Variants in ACTN1 observed in about 807,000 individuals in gnomAD.
The protein encoded by ACTN1 is alpha-actinin-1.
In ACTN1, 30 loss-of-function variants were observed where a neutral mutation model predicts 119.6. The ratio of observed to expected loss-of-function variants is 0.25; its 90% confidence interval spans 0.19 to 0.34. ACTN1 has a LOEUF of 0.34. Among genes scored for constraint, ACTN1 ranks in the 10% least tolerant of loss-of-function variants. ACTN1 has a pLI of 1.00. For missense variants in ACTN1, 764 were observed against 1,223.4 expected, an observed-to-expected ratio of 0.62 and a Z score of 5.60; for synonymous variants, 429 against 472.6, an observed-to-expected ratio of 0.91 and a Z score of 1.20.
At chr14:68,978,133 T>C (rs2037132576) in intron 1 of ACTN1, 2 of 455,574 alleles carry the variant, frequency 4.4e-6, no homozygotes, top group South Asian at 1.6e-5. Flanking sequence ...CGTGGCTAAG[T>C]AGGGATCCCC....
At chr14:68,950,322 A>G (rs931431421) in intron 1 of ACTN1, among the ~76,000 whole-genome samples, 3 of 146,848 alleles carry the variant, frequency 2.0e-5, no homozygotes, top group African/African-American at 7.7e-5. Context: ...AAAAAAAAAG[A>G]GTTCAGGAGA....
intron 1 of ACTN1, among the ~76,000 whole-genome samples, chr14:68,952,183 G>A (rs79405188): frequency 0.016 from 2,476 of 152,312 alleles, 58 homozygotes; most frequent in South Asian, 0.024. Flanking sequence ...ACCTTCCAGC[G>A]CTGGTAGTCT....
intron 9 of ACTN1, 117 bp from the exon 10 acceptor site, chr14:68,892,400 G>T: frequency 1.9e-6 from 2 of 1,027,864 alleles, no homozygotes; most frequent in Non-Finnish European, 2.8e-6. Context: ...TCTCCTAATA[G>T]CACACTCCTT....
chr14:68,963,047 C>T (rs2036589798), intron 1 of ACTN1, among the ~76,000 whole-genome samples: 1 of 152,208 alleles, frequency 6.6e-6, no homozygotes, highest in Non-Finnish European at 1.5e-5. Flanking sequence ...TCCTGCCCCT[C>T]CCTCCCCAGA....
chr14:68,914,111 A>C (rs1238697034), intron 3 of ACTN1, among the ~76,000 whole-genome samples: 1 of 152,168 alleles, frequency 6.6e-6, no homozygotes, highest in African/African-American at 2.4e-5. Context: ...CCAGCTACTC[A>C]GGCTTAAGTG....
chr14:68,970,299 T>C (rs7147553), intron 1 of ACTN1, among the ~76,000 whole-genome samples: 24,309 of 152,172 alleles, frequency 0.16, 2,057 homozygotes, highest in Middle Eastern at 0.19. Context: ...CCCCACTTGG[T>C]GCTGATCTCT....
intron 1 of ACTN1, among the ~76,000 whole-genome samples, chr14:68,962,211 G>C (rs1036636194): frequency 1.3e-5 from 2 of 152,168 alleles, no homozygotes; most frequent in Non-Finnish European, 1.5e-5. Context: ...TCCAGGGCAC[G>C]GGCGCCTGGG....
intron 7 of ACTN1, among the ~76,000 whole-genome samples, 178 bp from the exon 8 acceptor site, chr14:68,902,740 G>A (rs955517295): frequency 6.6e-6 from 1 of 152,168 alleles, no homozygotes; most frequent in African/African-American, 2.4e-5. Flanking sequence ...AGGAACAGGT[G>A]AAATGAAGCC....
intron 1 of ACTN1, among the ~76,000 whole-genome samples, chr14:68,929,129 T>C (rs2035090272): frequency 1.4e-5 from 2 of 147,564 alleles, no homozygotes; most frequent in Admixed American, 1.4e-4. Context: ...GTGGCGTGGG[T>C]GCAGAAAACC....
chr14:68,904,618 C>A (rs760576693), intron 7 of ACTN1, 37 bp downstream of exon 7: 6 of 1,592,670 alleles, frequency 3.8e-6, no homozygotes, highest in African/African-American at 1.3e-5. Flanking sequence ...GGCAGGTGGG[C>A]GATGGGCAAG....
chr14:68,951,182 T>G (rs1254433155), intron 1 of ACTN1, among the ~76,000 whole-genome samples: 2 of 152,152 alleles, frequency 1.3e-5, no homozygotes, highest in African/African-American at 4.8e-5. Flanking sequence ...GGCTCCTCCC[T>G]GGGCCCTGAC....
chr14:68,940,684 A>C (rs2035734768), intron 1 of ACTN1, among the ~76,000 whole-genome samples: 1 of 151,764 alleles, frequency 6.6e-6, no homozygotes, highest in African/African-American at 2.4e-5. Flanking sequence ...ACTTAAAAAA[A>C]AAAAAAAAAA....
chr14:68,902,181 AC>A (rs1230577734), intron 8 of ACTN1, among the ~76,000 whole-genome samples: 2 of 151,762 alleles, frequency 1.3e-5, no homozygotes, highest in Non-Finnish European at 2.9e-5. Context: ...TTCCAGAACC[AC>A]CCCGGCTGCC....
chr14:68,968,108 A>G (rs2036762820), intron 1 of ACTN1, among the ~76,000 whole-genome samples: 1 of 152,220 alleles, frequency 6.6e-6, no homozygotes, highest in Admixed American at 6.5e-5. Context: ...GCAGCAGGCA[A>G]GGGACCAGGG....
intron 6 of ACTN1, among the ~76,000 whole-genome samples, chr14:68,905,228 T>C (rs986348407): frequency 1.3e-5 from 2 of 149,242 alleles, no homozygotes; most frequent in African/African-American, 4.9e-5. Flanking sequence ...TTCATGAAAT[T>C]TGGGGGCTCC....
intron 1 of ACTN1, among the ~76,000 whole-genome samples, chr14:68,957,574 A>C (rs1465693623): frequency 6.6e-6 from 1 of 152,228 alleles, no homozygotes; most frequent in African/African-American, 2.4e-5. Flanking sequence ...AGGTCAAGTA[A>C]TTCCACGAAT....
chr14:68,909,939 A>G lies in ACTN1; in HGVS notation c.515+16T>C, dbSNP rs370262958. ...CAGCCTGGTTCTGTGAGAGCCCCTCAGACCCCAGCACTCACCTTATGTGGA... is the reference window on the plus strand; with the variant it reads ...CAGCCTGGTTCTGTGAGAGCCCCTCGGACCCCAGCACTCACCTTATGTGGA... On this transcript the variant is annotated intron_variant, in intron 5 of 21. Coordinates refer to ENST00000394419, the MANE Select transcript of ACTN1 (RefSeq NM_001130004.2). This position sits in a 1 kb window ranked among gnomAD's most constrained non-coding sequence, Gnocchi z 4.1. 3 of 1,611,084 alleles carry G rather than the reference A, an allele frequency of 1.9e-6. No homozygotes were observed. The highest frequency in any genetic ancestry group is 2.5e-6 in the Non-Finnish European group (3 of 1,177,516).
chr14:68,932,539 T>TTTTTA lies in ACTN1; in HGVS notation c.106-6868_106-6867insTAAAA, dbSNP rs71102619. ...TTTTTTTTTTTTTTTTTTTTTTTTT[T>TTTTTA]AATTTTTCTTGGAGACTGGGTCTCT... On this transcript the variant is annotated intron_variant, in intron 1 of 21. Transcript: ENST00000394419. Among the ~76,000 whole-genome samples, 153 of 117,198 alleles carry TTTTTA rather than the reference T, an allele frequency of 1.3e-3. 15 individuals are homozygous for TTTTTA. The East Asian group carries it at 0.031, about 24-fold the overall frequency. 76.9% of individuals were successfully genotyped at this position (117,198 alleles called of 152,430 possible). A position where few individuals can be genotyped will look rare whatever the true frequency, so the allele number is the denominator to read the frequency against.
At chr14:68,944,681 T>TGTCTGATC (rs1195150376) in intron 1 of ACTN1, among the ~76,000 whole-genome samples, 1 of 152,020 alleles carries the variant, frequency 6.6e-6, no homozygotes, top group African/African-American at 2.4e-5. Flanking sequence ...GGGGGCAGTG[T>TGTCTGATC]GTCTGATCAC....
Sources: allele counts gnomAD v4.1 joint callset (sites outside exome capture counted in the v4.1 genomes callset), GRCh38; gene constraint gnomAD v4.1.1; non-coding constraint Gnocchi (gnomAD v3.1); transcripts MANE v1.5; gene names NCBI Gene and HGNC (gene_info 2026-07-23, HGNC 2026-07-21).